PRICKLE1: variants seen among roughly 807,000 people sequenced by gnomAD.
PRICKLE1 encodes prickle-like protein 1.
In PRICKLE1, 14 loss-of-function variants were observed where a neutral mutation model predicts 70.2. The ratio of observed to expected loss-of-function variants is 0.20; its 90% CI spans 0.13 to 0.31. The LOEUF is 0.31. PRICKLE1 is among the 10% of genes least tolerant of loss of function. The probability of loss-of-function intolerance (pLI) is 1.00; values close to 1 mark genes in which losing one functional copy is unlikely to be tolerated. For missense variants in PRICKLE1, 821 were observed against 1,026.2 expected, an observed-to-expected ratio of 0.80 and a Z score of 2.73; for synonymous variants, 357 against 379.9, an observed-to-expected ratio of 0.94 and a Z score of 0.70.
At chr12:42,463,383 G>A (rs1310882449) in intron 7 of PRICKLE1, among the ~76,000 whole-genome samples, 4 of 151,788 alleles carry the variant, frequency 2.6e-5, no homozygotes, top group Non-Finnish European at 5.9e-5. Flanking sequence ...AGCTGTTTTT[G>A]AGCTACTGTC....
intron 1 of PRICKLE1, among the ~76,000 whole-genome samples, chr12:42,514,309 C>T (rs146208284): frequency 4.5e-4 from 68 of 152,254 alleles, no homozygotes; most frequent in African/African-American, 1.6e-3. Context: ...GCATTTCATA[C>T]TTTCCTCTGT....
At chr12:42,572,348 A>C (rs2120757282) in intron 1 of PRICKLE1, among the ~76,000 whole-genome samples, 1 of 151,914 alleles carries the variant, frequency 6.6e-6, no homozygotes. Context: ...AGGCAGGAGA[A>C]TCACTTGAAC....
chr12:42,494,797 A>C (rs575546176), intron 1 of PRICKLE1, among the ~76,000 whole-genome samples: 3 of 141,714 alleles, frequency 2.1e-5, no homozygotes, highest in African/African-American at 7.9e-5. Flanking sequence ...ACAGAGTGAG[A>C]CTCTGTCTCT....
intron 1 of PRICKLE1, among the ~76,000 whole-genome samples, chr12:42,574,530 T>TG: frequency 6.6e-6 from 1 of 152,190 alleles, no homozygotes; most frequent in South Asian, 2.1e-4. Context: ...TACAAAATAT[T>TG]TATCACACAC....
At chr12:42,536,361 G>A (rs993952730) in intron 1 of PRICKLE1, among the ~76,000 whole-genome samples, 1 of 152,160 alleles carries the variant, frequency 6.6e-6, no homozygotes, top group African/African-American at 2.4e-5. Context: ...GCAAACTAAT[G>A]TTAGGTCTGG....
chr12:42,554,500 G>A (rs2120670556), intron 1 of PRICKLE1, among the ~76,000 whole-genome samples: 1 of 152,296 alleles, frequency 6.6e-6, no homozygotes, highest in Non-Finnish European at 1.5e-5. Flanking sequence ...AAAAGGAGAT[G>A]GAATAGACAC....
chr12:42,551,005 C>T (rs1940305084), intron 1 of PRICKLE1, among the ~76,000 whole-genome samples: 1 of 152,122 alleles, frequency 6.6e-6, no homozygotes, highest in Non-Finnish European at 1.5e-5. Flanking sequence ...CTGAGCTCTG[C>T]AATTATTTGA....
intron 1 of PRICKLE1, among the ~76,000 whole-genome samples, chr12:42,485,717 T>G (rs761968871): frequency 1.1e-4 from 16 of 152,196 alleles, no homozygotes; most frequent in Middle Eastern, 3.2e-3. Flanking sequence ...TGGAATAGCT[T>G]TTAAAGGACA....
chr12:42,468,080 G>A (rs1178475739), intron 5 of PRICKLE1, among the ~76,000 whole-genome samples: 2 of 152,080 alleles, frequency 1.3e-5, no homozygotes, highest in East Asian at 3.9e-4. Flanking sequence ...AGGGCATGCA[G>A]GATCTCTCTG....
chr12:42,571,745 G>T (rs1940717153), intron 1 of PRICKLE1, among the ~76,000 whole-genome samples: 1 of 152,168 alleles, frequency 6.6e-6, no homozygotes, highest in Non-Finnish European at 1.5e-5. Context: ...GCATCAAAGA[G>T]CTCATTTGCT....
At chr12:42,469,415 G>T in intron 4 of PRICKLE1, 35 bp downstream of exon 4, 1 of 1,612,622 alleles carries the variant, frequency 6.2e-7, no homozygotes. Context: ...CCACATCACT[G>T]CCACAAGCTA....
intron 7 of PRICKLE1, among the ~76,000 whole-genome samples, chr12:42,463,368 T>C (rs756110060): frequency 4.0e-5 from 6 of 151,734 alleles, no homozygotes; most frequent in Non-Finnish European, 8.8e-5. Context: ...AAATAAAAAG[T>C]ATTCAGCTGT....
rs201054946 is a variant in PRICKLE1, at chr12:42,464,523, T to C, written c.1511A>G (p.His504Arg). The C allele has an allele frequency of 3.1e-6, 5 of 1,613,912 alleles. No individual in the cohort carries two copies. Among genetic ancestry groups the C allele is most frequent in the Admixed American group, 1.7e-5 (1 of 59,960 alleles). ...SRRLQELELD[H>R]GASGYNHDET... ...ATCATGATTATACCCTGAAGCCCCATGGTCCAGTTCCAATTCCTGAAGCCT... is the reference window on the plus strand; with the variant it reads ...ATCATGATTATACCCTGAAGCCCCACGGTCCAGTTCCAATTCCTGAAGCCT... Residue 504 changes from histidine to arginine, a missense_variant, in exon 7 of 8, where the codon CAT (histidine) becomes CGT (arginine). His to Arg is a conservative substitution (Grantham distance 29). Coordinates refer to ENST00000345127, the MANE Select transcript of PRICKLE1 (RefSeq NM_153026.3). This position sits in a 1 kb window ranked among gnomAD's most constrained non-coding sequence, Gnocchi z 4.2.
At chr12:42,566,292 T>C (rs1211247100) in intron 1 of PRICKLE1, among the ~76,000 whole-genome samples, 2 of 151,922 alleles carry the variant, frequency 1.3e-5, no homozygotes, top group Non-Finnish European at 2.9e-5. Context: ...AATGTGAAAA[T>C]GAGAACAGGA....
At chr12:42,510,563 T>C (rs542518105) in intron 1 of PRICKLE1, among the ~76,000 whole-genome samples, 16 of 144,074 alleles carry the variant, frequency 1.1e-4, no homozygotes, top group Non-Finnish European at 2.1e-4. Context: ...ACAAAGAGCA[T>C]TTTTAAGGGA....
At chr12:42,587,559 T>C (rs1445890464) in intron 1 of PRICKLE1, among the ~76,000 whole-genome samples, 1 of 152,278 alleles carries the variant, frequency 6.6e-6, no homozygotes, top group East Asian at 1.9e-4. Context: ...TAAACATTTC[T>C]GGAAGAGCTG....
intron 1 of PRICKLE1, among the ~76,000 whole-genome samples, chr12:42,509,556 A>C (rs1023404064): frequency 2.6e-5 from 4 of 152,122 alleles, no homozygotes; most frequent in African/African-American, 9.7e-5. Context: ...TGGAGGATGG[A>C]GAACCAGAGC....
chr12:42,471,465 A>G (rs570707453), intron 2 of PRICKLE1, among the ~76,000 whole-genome samples: 12 of 152,264 alleles, frequency 7.9e-5, no homozygotes, highest in African/African-American at 2.9e-4. Context: ...TAGTTTGTCA[A>G]AATATTGCTT....
Position 42,464,335 on chromosome 12 carries a change from T to G in PRICKLE1, c.1639+60A>C, listed in dbSNP as rs58707767. On this transcript the variant is annotated intron_variant, in intron 7 of 7. Coordinates refer to ENST00000345127, the MANE Select transcript of PRICKLE1 (RefSeq NM_153026.3). This position sits in a 1 kb window ranked among gnomAD's most constrained non-coding sequence, Gnocchi z 4.2. ...TGCGCCTGGCTTGAATTGCAATTTTTTGAATACACTTTTTAGTAGCTCCTT... is the reference window on the plus strand; with the variant it reads ...TGCGCCTGGCTTGAATTGCAATTTTGTGAATACACTTTTTAGTAGCTCCTT... The G allele has an allele frequency of 0.013, 20,711 of 1,610,220 alleles. 793 individuals are homozygous for G. The highest frequency in any genetic ancestry group is 0.13 in the African/African-American group (9,621 of 74,928).
Sources: gnomAD v4.1 joint callset for allele counts (sites outside exome capture counted in the v4.1 genomes callset) on GRCh38, gnomAD v4.1.1 for gene constraint, Gnocchi (gnomAD v3.1) non-coding constraint, MANE v1.5 for transcripts, NCBI Gene and HGNC (gene_info 2026-07-23, HGNC 2026-07-21) for gene names.